The following COL23A1 variants were observed in gnomAD, a reference collection of about 807,000 sequenced individuals.
COL23A1 encodes collagen alpha-1(XXIII) chain.
In COL23A1, 97 loss-of-function variants were observed where a neutral mutation model predicts 99.3. The ratio of observed to expected loss-of-function variants is 0.98; its 90% CI spans 0.83 to 1.16. The LOEUF (loss-of-function observed/expected upper bound fraction) is 1.16, where lower values mean the gene tolerates loss of function less well. Ranked by LOEUF, COL23A1 falls within the 50% of genes most tolerant of loss-of-function variation. The probability of loss-of-function intolerance (pLI) is 0.00; values close to 1 mark genes in which losing one functional copy is unlikely to be tolerated. For synonymous variants in COL23A1, 320 were observed against 308.2 expected (o/e 1.04, Z -0.40); for missense variants, 762 against 757.4 (o/e 1.01, Z -0.07).
At chr5:178,239,791 CCG>C (rs1764295556) in intron 27 of COL23A1, among the ~76,000 whole-genome samples, 1 of 111,060 alleles carries the variant, frequency 9.0e-6, no homozygotes, top group African/African-American at 6.3e-5. Flanking sequence ...CTGCCGAGAG[CCG>C]TGTGGCTTCC....
At chr5:178,571,451 C>T (rs1763091019) in intron 1 of COL23A1, among the ~76,000 whole-genome samples, 1 of 152,112 alleles carries the variant, frequency 6.6e-6, no homozygotes, top group African/African-American at 2.4e-5. Context: ...AGAATTAACC[C>T]TAGGGCCTAG....
chr5:178,391,357 C>T (rs929882454), intron 2 of COL23A1, among the ~76,000 whole-genome samples: 1 of 152,178 alleles, frequency 6.6e-6, no homozygotes, highest in Non-Finnish European at 1.5e-5. Flanking sequence ...CGATAAGGGA[C>T]CTGTAACTAT....
chr5:178,515,510 G>C (rs1759452469), intron 2 of COL23A1, among the ~76,000 whole-genome samples: 1 of 152,072 alleles, frequency 6.6e-6, no homozygotes, highest in Admixed American at 6.5e-5. Flanking sequence ...TCCTGCTCTT[G>C]CCCATCCCAC....
intron 3 of COL23A1, among the ~76,000 whole-genome samples, chr5:178,303,890 A>T (rs1325175272): frequency 6.6e-6 from 1 of 152,212 alleles, no homozygotes; most frequent in Non-Finnish European, 1.5e-5. Flanking sequence ...GGAGGTGTCC[A>T]GGGCTGCGAG....
intron 2 of COL23A1, among the ~76,000 whole-genome samples, chr5:178,411,728 T>G (rs1295375232): frequency 6.6e-6 from 1 of 152,252 alleles, no homozygotes; most frequent in Non-Finnish European, 1.5e-5. Context: ...TGCACAACGC[T>G]GTGAATTTAT....
intron 2 of COL23A1, among the ~76,000 whole-genome samples, chr5:178,514,636 CA>C (rs1166850457): frequency 1.6e-4 from 24 of 152,222 alleles, no homozygotes; most frequent in African/African-American, 5.8e-4. Flanking sequence ...GCTCAGAGCC[CA>C]GGGGGGAAGC....
At chr5:178,421,504 C>T (rs1218251993) in intron 2 of COL23A1, among the ~76,000 whole-genome samples, 1 of 152,202 alleles carries the variant, frequency 6.6e-6, no homozygotes, top group African/African-American at 2.4e-5. Context: ...TCTGCCTTCT[C>T]CTCTCATGCA....
intron 2 of COL23A1, among the ~76,000 whole-genome samples, chr5:178,476,002 C>A (rs796073817): frequency 7.9e-5 from 12 of 152,292 alleles, no homozygotes; most frequent in African/African-American, 1.9e-4. Context: ...CCCCTTTCGG[C>A]AAACTTGAAG....
chr5:178,406,428 CTTT>C (rs61274419), intron 2 of COL23A1, among the ~76,000 whole-genome samples: 2 of 142,030 alleles, frequency 1.4e-5, no homozygotes, highest in Admixed American at 7.0e-5. Context: ...TACCTACACT[CTTT>C]TTTTTTTTTT....
chr5:178,523,751 T>C (rs1300522964), intron 2 of COL23A1: 1 of 152,146 alleles, frequency 6.6e-6, no homozygotes, highest in East Asian at 1.9e-4. Flanking sequence ...TGATGAACAA[T>C]TGGAAGGAGA....
chr5:178,455,774 C>T (rs60384000), intron 2 of COL23A1, among the ~76,000 whole-genome samples: 4,483 of 152,070 alleles, frequency 0.029, 252 homozygotes, highest in African/African-American at 0.1. Context: ...GAGGACCAGC[C>T]CTCTACAGTG....
intron 2 of COL23A1, among the ~76,000 whole-genome samples, chr5:178,555,186 C>T (rs570968277): frequency 2.6e-5 from 4 of 152,170 alleles, no homozygotes; most frequent in Admixed American, 6.5e-5. Flanking sequence ...ATTACAGGGA[C>T]AGCGGTCATG....
intron 2 of COL23A1, among the ~76,000 whole-genome samples, chr5:178,347,301 A>G (rs1176714806): frequency 6.6e-6 from 1 of 152,130 alleles, no homozygotes; most frequent in Non-Finnish European, 1.5e-5. Flanking sequence ...TGAACCTTGA[A>G]CACGTGCTAG....
intron 2 of COL23A1, among the ~76,000 whole-genome samples, chr5:178,450,845 G>A (rs1400099144): frequency 2.6e-5 from 4 of 152,184 alleles, no homozygotes; most frequent in Non-Finnish European, 5.9e-5. Context: ...AGTGGGCAAC[G>A]TTATCATGAA....
Position 178,306,883 on chromosome 5 carries a change from C to A in COL23A1, c.398G>T (p.Gly133Val). Reference sequence around the variant, plus strand: ...GAAAACCTGGGACTCACCAGGGTCGCCTCTTCTCCCAGGCTTGCCGCGCCG... The same window carrying A: ...GAAAACCTGGGACTCACCAGGGTCGACTCTTCTCCCAGGCTTGCCGCGCCG... ...PGRRGKPGRR[G>V]DPGPPGQSGR... Residue 133 changes from glycine (G) to valine (V), a missense_variant, in exon 3 of 29, where the codon GGC becomes GTC. Coordinates refer to ENST00000390654, the MANE Select transcript of COL23A1 (RefSeq NM_173465.4). This position sits in a 1 kb window ranked among gnomAD's most constrained non-coding sequence, Gnocchi z 4.1. 1 of 1,543,150 alleles carries A rather than the reference C, an allele frequency of 6.5e-7. No individual in the cohort carries two copies. The highest frequency in any genetic ancestry group is 2.0e-5 in the Admixed American group (1 of 51,062).
intron 2 of COL23A1, among the ~76,000 whole-genome samples, 193 bp downstream of exon 2, chr5:178,560,489 C>T (rs960868879): frequency 1.3e-5 from 2 of 152,172 alleles, no homozygotes; most frequent in East Asian, 1.9e-4. Context: ...CCCAGCAAAC[C>T]GAGTCCGTTT....
chr5:178,373,975 C>G (rs538829688), intron 2 of COL23A1, among the ~76,000 whole-genome samples: 1 of 152,142 alleles, frequency 6.6e-6, no homozygotes, highest in African/African-American at 2.4e-5. Flanking sequence ...AGTGCAGCAC[C>G]GGCGCCCGCA....
At chr5:178,466,653 GCCCT>G (rs1756439251) in intron 2 of COL23A1, among the ~76,000 whole-genome samples, 3 of 152,238 alleles carry the variant, frequency 2.0e-5, no homozygotes, top group Non-Finnish European at 4.4e-5. Context: ...GCGGGGGATG[GCCCT>G]GCAGCCTGCA....
intron 2 of COL23A1, among the ~76,000 whole-genome samples, chr5:178,400,218 T>A (rs1764365211): frequency 6.6e-6 from 1 of 151,768 alleles, no homozygotes; most frequent in African/African-American, 2.4e-5. Flanking sequence ...TACAAAAAAA[T>A]TAGCCGGGCG....
Sources: gnomAD v4.1 joint callset for allele counts (sites outside exome capture counted in the v4.1 genomes callset) on GRCh38, gnomAD v4.1.1 for gene constraint, Gnocchi (gnomAD v3.1) non-coding constraint, MANE v1.5 for transcripts, NCBI Gene and HGNC (gene_info 2026-07-23, HGNC 2026-07-21) for gene names.